The following ATOH8 variants were observed in gnomAD, a reference collection of about 807,000 sequenced individuals.
The protein encoded by ATOH8 is transcription factor ATOH8.
A neutral mutation model predicts 21.2 loss-of-function variants in ATOH8; 9 were observed. The observed-to-expected ratio is 0.42, with a 90% CI of 0.26 to 0.74. ATOH8 has a LOEUF of 0.74. Ranked by LOEUF, ATOH8 falls within the 30% of genes least tolerant of loss-of-function variation. The pLI, the probability that ATOH8 is intolerant of heterozygous loss-of-function variation, is 0.24. For synonymous variants in ATOH8, 253 were observed against 224.0 expected, an observed-to-expected ratio of 1.13 and a Z score of -1.16; for missense variants, 524 against 470.9, an observed-to-expected ratio of 1.11 and a Z score of -1.04.
intron 1 of ATOH8, among the ~76,000 whole-genome samples, chr2:85,761,759 C>T (rs541414723): frequency 6.6e-6 from 1 of 152,306 alleles, no homozygotes; most frequent in East Asian, 1.9e-4. Context: ...CTAGCTGGCC[C>T]CTGAGACCCC....
At position 85,789,776 on chromosome 2, in the gene ATOH8, G is replaced by A. The variant is rs1053102936; in HGVS notation, c.*2886G>A. On this transcript the variant is annotated 3_prime_UTR_variant, in exon 3 of 3. Coordinates refer to ENST00000306279, the MANE Select transcript of ATOH8 (RefSeq NM_032827.7). ...CTGGTCTAAGTGGGGTCTGGTCTAC[G>A]ATAAGAAAGTGACTTTGAGCCATCG... Among the ~76,000 whole-genome samples the A allele has an allele frequency of 1.3e-5, 2 of 152,140 alleles. No homozygotes were observed.
chr2:85,776,836 A>T (rs1001542051), intron 2 of ATOH8, among the ~76,000 whole-genome samples: 45 of 152,150 alleles, frequency 3.0e-4, no homozygotes, highest in African/African-American at 1.1e-3. Context: ...CCCACCTGGA[A>T]TCTGGAGAGC....
chr2:85,770,216 G>T (rs192493766), intron 2 of ATOH8, among the ~76,000 whole-genome samples: 2 of 152,314 alleles, frequency 1.3e-5, no homozygotes, highest in East Asian at 3.9e-4. Flanking sequence ...CTGATGCACA[G>T]ATGGTGAGTC....
intron 1 of ATOH8, among the ~76,000 whole-genome samples, chr2:85,759,108 G>T (rs1359743465): frequency 6.6e-6 from 1 of 152,174 alleles, no homozygotes; most frequent in East Asian, 1.9e-4. Context: ...CTCCCCTGCT[G>T]CCCCTGGAGC....
chr2:85,759,148 A>G (rs1679795434), intron 1 of ATOH8, among the ~76,000 whole-genome samples: 1 of 152,132 alleles, frequency 6.6e-6, no homozygotes, highest in East Asian at 1.9e-4. Context: ...GAGTGAACTC[A>G]GGGTGGCCCT....
At chr2:85,768,229 C>T (rs1411800356) in intron 2 of ATOH8, among the ~76,000 whole-genome samples, 5 of 152,210 alleles carry the variant, frequency 3.3e-5, no homozygotes, top group African/African-American at 1.2e-4. Flanking sequence ...GCTTCCCAGC[C>T]CTTCCTACCC....
At chr2:85,769,252 C>T (rs72928927) in intron 2 of ATOH8, among the ~76,000 whole-genome samples, 5,847 of 152,336 alleles carry the variant, frequency 0.038, 411 homozygotes, top group African/African-American at 0.13. Flanking sequence ...ATGTTTTGAG[C>T]CCTGGCAATA....
rs1395666452 is a variant in ATOH8, at chr2:85,766,615, T to C, written c.960+2433T>C. On this transcript the variant is annotated intron_variant, in intron 2 of 2. Transcript: ENST00000306279. The surrounding 1 kb of genome is among the most constrained non-coding windows in gnomAD (Gnocchi z 4.0). ...TACCAGCCCCTTCCATAGTTTTATC[T>C]GGACGACCAGGATTTGACACGGCAG... Among the ~76,000 whole-genome samples, 1 of 152,182 alleles carries C rather than the reference T, an allele frequency of 6.6e-6. No homozygotes were observed. Among genetic ancestry groups the C allele is most frequent in the Admixed American group, 6.5e-5 (1 of 15,290 alleles).
chr2:85,785,359 G>A lies in ATOH8; in HGVS notation c.961-1526G>A, dbSNP rs1041791048. Among the ~76,000 whole-genome samples the A allele has an allele frequency of 5.3e-5, 8 of 152,246 alleles. No individual in the cohort carries two copies. Among genetic ancestry groups the A allele is most frequent in the African/African-American group, 1.9e-4 (8 of 41,462 alleles). On this transcript the variant is annotated intron_variant, in intron 2 of 2. Coordinates refer to ENST00000306279, the MANE Select transcript of ATOH8 (RefSeq NM_032827.7). This position sits in a 1 kb window ranked among gnomAD's most constrained non-coding sequence, Gnocchi z 4.1. ...ACAAAGCAGATTCCTGCTGGGGCCA[G>A]CCATGCACAGTGGGCTTGGAGAATG...
intron 2 of ATOH8, among the ~76,000 whole-genome samples, chr2:85,772,308 A>T (rs1680205128): frequency 6.6e-6 from 1 of 152,152 alleles, no homozygotes; most frequent in African/African-American, 2.4e-5. Context: ...CCTGGTTCCC[A>T]TTCGGGCGCT....
chr2:85,790,316 A>G lies in ATOH8; in HGVS notation c.*3426A>G, dbSNP rs1490042693. Among the ~76,000 whole-genome samples, 14 of 152,094 alleles carry G rather than the reference A, an allele frequency of 9.2e-5. No homozygotes were observed. The highest frequency in any genetic ancestry group is 7.2e-4 in the Admixed American group (11 of 15,280). On this transcript the variant is annotated 3_prime_UTR_variant, in exon 3 of 3. Transcript: ENST00000306279. ...CATGAAGCCCCACGTGTGCACACCC[A>G]TCTTCATGTGTGTGTGTGCCAGCCT...
chr2:85,764,146 C>T lies in ATOH8; in HGVS notation c.924C>T (p.Arg308=), dbSNP rs1679941806. 5.6e-6 allele frequency: 9 copies of T among 1,614,210 alleles called. No homozygotes were observed. The highest frequency in any genetic ancestry group is 7.6e-6 in the Non-Finnish European group (9 of 1,180,038). ...CCGAGTGTGTGCAGCGCTGCACCCG[C>T]ACCCTGCAGGCCGAGGGACGTGCCA... is the stretch of plus-strand genomic sequence containing the variant. ...SFSECVQRCT[R]TLQAEGRAKK... is the part of the protein sequence containing the mutation. Residue 308 remains arginine (R), a synonymous_variant, in exon 2 of 3, where the codon CGC becomes CGT. Transcript: ENST00000306279.
chr2:85,755,516 G>A (rs1403034060), intron 1 of ATOH8, among the ~76,000 whole-genome samples: 6 of 152,214 alleles, frequency 3.9e-5, no homozygotes, highest in African/African-American at 1.4e-4. Context: ...CTCCCCAGGG[G>A]TGGGCTCAGG....
intron 2 of ATOH8, among the ~76,000 whole-genome samples, chr2:85,767,278 C>A (rs1351631961): frequency 6.6e-6 from 1 of 152,076 alleles, no homozygotes; most frequent in Non-Finnish European, 1.5e-5. Context: ...AAAAGACTTG[C>A]AAAGGTCTAC....
intron 2 of ATOH8, among the ~76,000 whole-genome samples, chr2:85,781,783 G>T (rs1365481926): frequency 6.6e-6 from 1 of 151,690 alleles, no homozygotes; most frequent in Non-Finnish European, 1.5e-5. Context: ...GAGGCTGATT[G>T]GGGAGAATCA....
At chr2:85,765,402 C>T (rs1429593969) in intron 2 of ATOH8, among the ~76,000 whole-genome samples, 2 of 152,220 alleles carry the variant, frequency 1.3e-5, no homozygotes, top group Admixed American at 6.5e-5. Flanking sequence ...CAGGGCTCCC[C>T]GCTGCCGCTG....
chr2:85,777,268 A>T (rs890362185), intron 2 of ATOH8, among the ~76,000 whole-genome samples: 1 of 152,184 alleles, frequency 6.6e-6, no homozygotes, highest in African/African-American at 2.4e-5. Flanking sequence ...CTTAGCCTGC[A>T]TACAGTTCTT....
At chr2:85,784,604 A>G (rs1157148576) in intron 2 of ATOH8, among the ~76,000 whole-genome samples, 1 of 152,158 alleles carries the variant, frequency 6.6e-6, no homozygotes, top group Non-Finnish European at 1.5e-5. Flanking sequence ...TTACTGCAGG[A>G]CTTTTCGGAG....
intron 2 of ATOH8, among the ~76,000 whole-genome samples, chr2:85,786,209 A>G (rs548070516): frequency 6.6e-6 from 1 of 152,312 alleles, no homozygotes; most frequent in South Asian, 2.1e-4. Context: ...AAGGAATGCA[A>G]TAGGTCTCTG....
Sources: allele counts gnomAD v4.1 joint callset (sites outside exome capture counted in the v4.1 genomes callset), GRCh38; gene constraint gnomAD v4.1.1; non-coding constraint Gnocchi (gnomAD v3.1); transcripts MANE v1.5; gene names NCBI Gene and HGNC (gene_info 2026-07-23, HGNC 2026-07-21).